COL7A1: variants seen among roughly 807,000 people sequenced by gnomAD.
COL7A1 encodes the protein collagen type VII alpha 1 chain.
In COL7A1, 296 loss-of-function variants were observed where a neutral mutation model predicts 456.2. That is an observed-to-expected ratio of 0.65 (90% CI 0.59 to 0.71). The LOEUF (loss-of-function observed/expected upper bound fraction) is 0.71, where lower values mean the gene tolerates loss of function less well. COL7A1 is among the 30% of genes least tolerant of loss of function. The pLI, the probability that COL7A1 is intolerant of heterozygous loss-of-function variation, is 0.00. For missense variants in COL7A1, 3,441 were observed against 4,017.2 expected, an observed-to-expected ratio of 0.86 and a Z score of 3.88; for synonymous variants, 1,464 against 1,525.9, an observed-to-expected ratio of 0.96 and a Z score of 0.95.
chr3:48,573,447 A>T lies in COL7A1; in HGVS notation c.6618+66T>A. Reference sequence around the variant, plus strand: ...AGATGACAGCCCAGGAGGTTGGCGCACACTACCCCAGGCATGGACACAGCT... The same window carrying T: ...AGATGACAGCCCAGGAGGTTGGCGCTCACTACCCCAGGCATGGACACAGCT... On this transcript the variant is annotated intron_variant, in intron 83 of 118. Transcript: ENST00000681320. This position sits in a 1 kb window ranked among gnomAD's most constrained non-coding sequence, Gnocchi z 5.5. The T allele has an allele frequency of 6.2e-7, 1 of 1,613,658 alleles. No homozygotes were observed. Among genetic ancestry groups the T allele is most frequent in the South Asian group, 1.1e-5 (1 of 91,072 alleles).
rs538157144 is a variant in COL7A1, at chr3:48,568,214, G to A, written c.7795-44C>T. 2.3e-4 allele frequency: 371 copies of A among 1,600,012 alleles called. 2 individuals are homozygous for A. In the South Asian group the frequency reaches 3.9e-3, roughly 17 times the overall value. On this transcript the variant is annotated intron_variant, in intron 105 of 118. Coordinates refer to ENST00000681320, the MANE Select transcript of COL7A1 (RefSeq NM_000094.4). This position sits in a 1 kb window ranked among gnomAD's most constrained non-coding sequence, Gnocchi z 5.2. ...ATGTGAGGTCAGAGGAGGTCAGTGA[G>A]GGACCAAAGAGAATCGCCCTGGATA... is the stretch of plus-strand genomic sequence containing the variant.
rs749096679 is a variant in COL7A1, at chr3:48,578,501, G to A, written c.5439C>T (p.Leu1813=). Residue 1813 remains leucine (L), a synonymous_variant, in exon 64 of 119, where the codon CTC becomes CTT. Coordinates refer to ENST00000681320, the MANE Select transcript of COL7A1 (RefSeq NM_000094.4). This position sits in a 1 kb window ranked among gnomAD's most constrained non-coding sequence, Gnocchi z 4.7. ...GDPGRDGLPG[L]RGEQGLPGPS... Reference sequence around the variant, plus strand: ...GGCCAGGGAGGCCCTGTTCTCCACGGAGGCCTGGAAGCCCCTGGAAAAAGT... The same window carrying A: ...GGCCAGGGAGGCCCTGTTCTCCACGAAGGCCTGGAAGCCCCTGGAAAAAGT... 42 of 1,612,228 alleles carry A rather than the reference G, an allele frequency of 2.6e-5. No homozygotes were observed. Among genetic ancestry groups the A allele is most frequent in the Non-Finnish European group, 3.3e-5 (39 of 1,179,948 alleles).
At position 48,590,550 on chromosome 3, in the gene COL7A1, C is replaced by A; in HGVS notation, c.1815G>T (p.Arg605=). 6.2e-7 allele frequency: 1 copy of A among 1,614,172 alleles called. No homozygotes were observed. The highest frequency in any genetic ancestry group is 1.1e-5 in the South Asian group (1 of 91,086). ...PETPLAVPGL[R]VVVSDATRVR... is the part of the protein sequence containing the mutation. ...CTCGCGTTGCATCTGACACCACAAC[C>A]CGCAGCCCTGGAACAGCAAGTGGAG... Residue 605 remains arginine (R), a synonymous_variant, in exon 15 of 119, where the codon CGG becomes CGT. Transcript: ENST00000681320. The surrounding 1 kb of genome is among the most constrained non-coding windows in gnomAD (Gnocchi z 4.6).
chr3:48,572,026 C>A lies in COL7A1; in HGVS notation c.7043G>T (p.Gly2348Val). The A allele has an allele frequency of 6.2e-7, 1 of 1,612,880 alleles. No individual in the cohort carries two copies. Among genetic ancestry groups the A allele is most frequent in the South Asian group, 1.1e-5 (1 of 90,806 alleles). ...ATCTTCCCCAGGGTCTCCGGGCTCC[C>A]CTGCACGGCCAGCTTCACCCTGCAC... Reference protein sequence around the residue: ...RGEKGEAGRAGEPGDPGEDGQ... With the variant: ...RGEKGEAGRAVEPGDPGEDGQ... The change falls in exon 92 of 119, where the codon GGG becomes GTG. Residue 2348 changes from glycine to valine, a missense_variant. Coordinates refer to ENST00000681320, the MANE Select transcript of COL7A1 (RefSeq NM_000094.4). This position sits in a 1 kb window ranked among gnomAD's most constrained non-coding sequence, Gnocchi z 4.6.
Position 48,565,551 on chromosome 3 carries a change from C to T in COL7A1, c.8441-55G>A. The T allele has an allele frequency of 6.2e-7, 1 of 1,613,806 alleles. No individual in the cohort carries two copies. Among genetic ancestry groups the T allele is most frequent in the Non-Finnish European group, 8.5e-7 (1 of 1,179,732 alleles). On this transcript the variant is annotated intron_variant, in intron 115 of 118. Transcript: ENST00000681320. This position sits in a 1 kb window ranked among gnomAD's most constrained non-coding sequence, Gnocchi z 4.5. Reference sequence around the variant, plus strand: ...CTGAAGTCACCATGGGCAGCCATCCCAGCCAACCCCCCTGAGAGGACCCCA... The same window carrying T: ...CTGAAGTCACCATGGGCAGCCATCCTAGCCAACCCCCCTGAGAGGACCCCA...
chr3:48,566,149 G>A lies in COL7A1; in HGVS notation c.8407+118C>T, dbSNP rs1560193695. 5 of 1,073,280 alleles carry A rather than the reference G, an allele frequency of 4.7e-6. No homozygotes were observed. Among genetic ancestry groups the A allele is most frequent in the East Asian group, 2.6e-5 (1 of 38,750 alleles). 66.5% of individuals were successfully genotyped at this position (1,073,280 alleles called of 1,614,324 possible). ...AGTCCTGCAGCACATGTGTCCTTCT[G>A]TGTATCCATCCATCCCCCCATCTTC... is the stretch of plus-strand genomic sequence containing the variant. On this transcript the variant is annotated intron_variant, in intron 114 of 118. Coordinates refer to ENST00000681320, the MANE Select transcript of COL7A1 (RefSeq NM_000094.4). The surrounding 1 kb of genome is among the most constrained non-coding windows in gnomAD (Gnocchi z 5.9).
rs1371907260 is a variant in COL7A1 at position 48,594,551 on chromosome 3, G to A, written c.86-3C>T. On this transcript the variant is annotated splice_polypyrimidine_tract_variant and splice_region_variant and intron_variant, in intron 2 of 118. Transcript: ENST00000681320. This position sits in a 1 kb window ranked among gnomAD's most constrained non-coding sequence, Gnocchi z 5.5. ...GGCGTAAAGGCGCGTGCAGGTCACT[G>A]GGGCGGGCAGGAGAGATCAGGGCCT... 6.3e-7 allele frequency: 1 copy of A among 1,581,166 alleles called. No individual in the cohort carries two copies. The highest frequency in any genetic ancestry group is 8.6e-7 in the Non-Finnish European group (1 of 1,166,222).
chr3:48,591,501 A>C lies in COL7A1; in HGVS notation c.1599T>G (p.Gly533=), dbSNP rs2107786989. 1.2e-6 allele frequency: 2 copies of C among 1,613,984 alleles called. No individual in the cohort carries two copies. The highest frequency in any genetic ancestry group is 1.7e-6 in the Non-Finnish European group (2 of 1,179,972). Residue 533 remains glycine (G), a synonymous_variant, in exon 13 of 119, where the codon GGT becomes GGG. Coordinates refer to ENST00000681320, the MANE Select transcript of COL7A1 (RefSeq NM_000094.4). This position sits in a 1 kb window ranked among gnomAD's most constrained non-coding sequence, Gnocchi z 7.0. ...RVRVSWSPVP[G]ATQYRIIVRS... ...GCACAATGATGCGGTACTGGGTGGC[A>C]CCAGGGACTGGGCTCCAGGACACTC...
chr3:48,565,162 G>A lies in COL7A1; in HGVS notation c.8567C>T (p.Ser2856Phe). Residue 2856 changes from serine to phenylalanine, a missense_variant, in exon 117 of 119, where the codon TCC becomes TTC. Coordinates refer to ENST00000681320, the MANE Select transcript of COL7A1 (RefSeq NM_000094.4). The surrounding 1 kb of genome is among the most constrained non-coding windows in gnomAD (Gnocchi z 4.5). ...CTGGTACTCCTCCACAGAATACTCG[G>A]AGTATTCAGAGTACTCATCATCCTC... Reference protein sequence around the residue: ...PPEDDEYSEYSEYSVEEYQDP... With the variant: ...PPEDDEYSEYFEYSVEEYQDP... 6.2e-7 allele frequency: 1 copy of A among 1,613,990 alleles called. No individual in the cohort carries two copies. The highest frequency in any genetic ancestry group is 8.5e-7 in the Non-Finnish European group (1 of 1,179,972).
At position 48,584,429 on chromosome 3, in the gene COL7A1, C is replaced by T. The variant is rs1018868089; in HGVS notation, c.4120-54G>A. 15 of 1,613,194 alleles carry T rather than the reference C, an allele frequency of 9.3e-6. No homozygotes were observed. In the Admixed American group the frequency reaches 2.3e-4, roughly 25 times the overall value. ...AACCCCACAGACCTCACTCTCGCCC[C>T]CCTCGTGTTGGTCCCCCCACTACAC... On this transcript the variant is annotated intron_variant, in intron 36 of 118. Coordinates refer to ENST00000681320, the MANE Select transcript of COL7A1 (RefSeq NM_000094.4).
At position 48,588,630 on chromosome 3, in the gene COL7A1, T is replaced by C. The variant is rs764335167; in HGVS notation, c.2587+12A>G. 6.2e-7 allele frequency: 1 copy of C among 1,613,812 alleles called. No individual in the cohort carries two copies. ...CACCCATCCGAAGCTCTCCAGCGCATGCTCTGCCTACGCGTAGTGACAACA... is the reference window on the plus strand; with the variant it reads ...CACCCATCCGAAGCTCTCCAGCGCACGCTCTGCCTACGCGTAGTGACAACA... On this transcript the variant is annotated intron_variant, in intron 20 of 118. Transcript: ENST00000681320. This position sits in a 1 kb window ranked among gnomAD's most constrained non-coding sequence, Gnocchi z 4.6.
chr3:48,567,589 G>C lies in COL7A1; in HGVS notation c.8031C>G (p.Gly2677=), dbSNP rs1274347274. 2 of 1,614,078 alleles carry C rather than the reference G, an allele frequency of 1.2e-6. No homozygotes were observed. Among genetic ancestry groups the C allele is most frequent in the Non-Finnish European group, 1.7e-6 (2 of 1,180,002 alleles). The change falls in exon 109 of 119, where the codon GGC becomes GGG. Residue 2677 remains glycine, a synonymous_variant. Coordinates refer to ENST00000681320, the MANE Select transcript of COL7A1 (RefSeq NM_000094.4). This position sits in a 1 kb window ranked among gnomAD's most constrained non-coding sequence, Gnocchi z 4.3. ...PGQSGAPGKE[G]LIGPKGDRGF... Reference sequence around the variant, plus strand: ...GACCCTGTACCTTGGGACCGATCAGGCCCTCCTTGCCAGGGGCCCCCGACT... The same window carrying C: ...GACCCTGTACCTTGGGACCGATCAGCCCCTCCTTGCCAGGGGCCCCCGACT...
Position 48,567,480 on chromosome 3 carries a change from A to C in COL7A1, c.8046+94T>G. On this transcript the variant is annotated intron_variant, in intron 109 of 118. Coordinates refer to ENST00000681320, the MANE Select transcript of COL7A1 (RefSeq NM_000094.4). The surrounding 1 kb of genome is among the most constrained non-coding windows in gnomAD (Gnocchi z 4.3). ...AGCCCCCAAAGTCCCAACCCTCTAC[A>C]GCCTTCCTTGTCCCTACACCCCCAT... The C allele has an allele frequency of 6.4e-7, 1 of 1,553,480 alleles. No homozygotes were observed. Among genetic ancestry groups the C allele is most frequent in the Non-Finnish European group, 8.9e-7 (1 of 1,126,890 alleles).
rs368195728 is a variant in COL7A1 at position 48,576,390 on chromosome 3, G to A, written c.5772+10C>T. 118 of 1,613,712 alleles carry A rather than the reference G, an allele frequency of 7.3e-5. No homozygotes were observed. Among genetic ancestry groups the A allele is most frequent in the Non-Finnish European group, 9.5e-5 (112 of 1,179,988 alleles). ...GCTACCTGGGCATGTGGAAAAGGTG[G>A]GGGCCTCACCTGCTCCCCTTTGGAT... On this transcript the variant is annotated intron_variant, in intron 70 of 118. Coordinates refer to ENST00000681320, the MANE Select transcript of COL7A1 (RefSeq NM_000094.4).
Position 48,575,499 on chromosome 3 carries a change from T to G in COL7A1, c.6020A>C (p.Asp2007Ala), listed in dbSNP as rs778923606. 1 of 1,612,226 alleles carries G rather than the reference T, an allele frequency of 6.2e-7. No individual in the cohort carries two copies. Among genetic ancestry groups the G allele is most frequent in the Non-Finnish European group, 8.5e-7 (1 of 1,179,776 alleles). The change falls in exon 74 of 119, where the codon GAC becomes GCC. Residue 2007 changes from aspartate to alanine, a missense_variant. By Grantham distance (126) the Asp-to-Ala change is moderately radical. Transcript: ENST00000681320. This position sits in a 1 kb window ranked among gnomAD's most constrained non-coding sequence, Gnocchi z 6.3. ...GFPGERGLKG[D>A]RGDPGPQGPP... ...CCCCTGAGGGCCAGGGTCTCCACGG[T>G]CGCCCTTCAGCCCGCGTTCTCCAGG...
rs2107679680 is a variant in COL7A1 at position 48,576,293 on chromosome 3, G to T, written c.5776C>A (p.Leu1926Ile). Reference sequence around the variant, plus strand: ...CCTCGCAGGCCACGCTCTCCAGGGAGGCCCTGGAGAGATGAAGACAAACTG... The same window carrying T: ...CCTCGCAGGCCACGCTCTCCAGGGATGCCCTGGAGAGATGAAGACAAACTG... ...GETGSKGEQG[L>I]PGERGLRGEP... Residue 1926 changes from leucine to isoleucine, a missense_variant, in exon 71 of 119, where the codon CTC (leucine) becomes ATC (isoleucine). By Grantham distance (5) the Leu-to-Ile change is conservative. This residue lies in a region of COL7A1 where 2,084 missense variants were observed against 2,501.3 expected (regional missense o/e 0.83). Coordinates refer to ENST00000681320, the MANE Select transcript of COL7A1 (RefSeq NM_000094.4). The T allele has an allele frequency of 6.2e-7, 1 of 1,613,866 alleles. No homozygotes were observed. Among genetic ancestry groups the T allele is most frequent in the South Asian group, 1.1e-5 (1 of 91,082 alleles).
In COL7A1 at chr3:48,594,418, G is replaced by A; in HGVS notation, c.216C>T (p.Ala72=). 6.2e-7 allele frequency: 1 copy of A among 1,611,918 alleles called. No individual in the cohort carries two copies. The highest frequency in any genetic ancestry group is 8.5e-7 in the Non-Finnish European group (1 of 1,180,028). Residue 72 remains alanine, a synonymous_variant, in exon 3 of 119, where the codon GCC becomes GCT. Transcript: ENST00000681320. The surrounding 1 kb of genome is among the most constrained non-coding windows in gnomAD (Gnocchi z 5.5). ...EGLVLPFSGA[A]SAQGVRFATV... ...TGGCAAAGCGCACACCCTGTGCACT[G>A]GCTGCTCCAGAGAAAGGCAGCACCA...
At chr3:48,584,462 G>T in intron 36 of COL7A1, 23 bp downstream of exon 36, 1 of 1,613,700 alleles carries the variant, frequency 6.2e-7, no homozygotes, top group Non-Finnish European at 8.5e-7. Flanking sequence ...CACATCACTT[G>T]CCTCCACATA....
At chr3:48,589,211 A>T (rs1279911975) in intron 18 of COL7A1, 116 bp downstream of exon 18, 7 of 1,525,886 alleles carry the variant, frequency 4.6e-6, no homozygotes, top group Non-Finnish European at 6.3e-6. Flanking sequence ...GGGGTGGGTC[A>T]GTGTGGACAG....
Sources: gnomAD v4.1 joint callset for allele counts on GRCh38, gnomAD v4.1.1 for gene constraint, gnomAD v4.1.1 regional missense constraint, Gnocchi (gnomAD v3.1) non-coding constraint, MANE v1.5 for transcripts, NCBI Gene and HGNC (gene_info 2026-07-23, HGNC 2026-07-21) for gene names.